FIP1L1: variants seen among roughly 807,000 people sequenced by gnomAD.
FIP1L1 encodes pre-mRNA 3'-end-processing factor FIP1.
Under a neutral mutation model 84.6 loss-of-function variants are expected in FIP1L1, and 21 were observed. That is an observed-to-expected ratio of 0.25 (90% CI 0.18 to 0.36). The LOEUF is 0.36. FIP1L1 is among the 10% of genes least tolerant of loss of function. FIP1L1 has a pLI of 1.00. For missense variants in FIP1L1, 526 were observed against 751.1 expected (o/e 0.70, Z 3.50); for synonymous variants, 263 against 242.3 (o/e 1.09, Z -0.80).
At chr4:53,455,952 G>A (rs1270763306) in intron 16 of FIP1L1, among the ~76,000 whole-genome samples, 1 of 152,062 alleles carries the variant, frequency 6.6e-6, no homozygotes, top group Admixed American at 6.6e-5. Context: ...GCGTGTGTGT[G>A]CATGAGTATA....
At chr4:53,443,988 A>T (rs2150258259) in intron 14 of FIP1L1, 60 bp from the exon 15 acceptor site, 2 of 1,203,882 alleles carry the variant, frequency 1.7e-6, no homozygotes, top group East Asian at 4.8e-5. Context: ...TTTGTACTAC[A>T]TTATTAAAAT....
intron 13 of FIP1L1, among the ~76,000 whole-genome samples, chr4:53,436,087 T>C (rs1769058927): frequency 6.6e-6 from 1 of 152,208 alleles, no homozygotes; most frequent in Admixed American, 6.5e-5. Flanking sequence ...GTAGTTTACA[T>C]ATTCTGCCAT....
At chr4:53,426,323 T>C (rs1474009454) in intron 12 of FIP1L1, among the ~76,000 whole-genome samples, 2 of 152,190 alleles carry the variant, frequency 1.3e-5, no homozygotes, top group Non-Finnish European at 2.9e-5. Flanking sequence ...ATGAAATTTA[T>C]GTTTCATAAA....
chr4:53,398,650 G>A (rs1396591081), intron 9 of FIP1L1, among the ~76,000 whole-genome samples: 1 of 152,136 alleles, frequency 6.6e-6, no homozygotes, highest in Non-Finnish European at 1.5e-5. Flanking sequence ...TAAGTGTAAG[G>A]AAACTTGAAT....
Position 53,377,736 on chromosome 4 carries a change from C to T in FIP1L1, c.-103C>T. ...GAGTCTCGAGCTTTCTTCGTTCGTT[C>T]GTCGGCGGGTTCGCGCCCTTCTCGC... On this transcript the variant is annotated 5_prime_UTR_variant, in exon 1 of 18. Transcript: ENST00000337488. The T allele has an allele frequency of 1.8e-6, 2 of 1,090,758 alleles. No homozygotes were observed. Among genetic ancestry groups the T allele is most frequent in the Non-Finnish European group, 2.5e-6 (2 of 790,116 alleles). The allele number at this position is 1,090,758 out of a possible 1,614,324, so 67.6% of individuals were successfully genotyped here. A position where few individuals can be genotyped will look rare whatever the true frequency, so the allele number is the denominator to read the frequency against.
At chr4:53,396,701 G>A (rs1029718288) in intron 9 of FIP1L1, among the ~76,000 whole-genome samples, 1 of 152,168 alleles carries the variant, frequency 6.6e-6, no homozygotes, top group African/African-American at 2.4e-5. Flanking sequence ...ACCACGCCCA[G>A]CCTACAATTA....
intron 3 of FIP1L1, among the ~76,000 whole-genome samples, chr4:53,381,759 T>TTTTTTC: frequency 1.4e-5 from 1 of 69,276 alleles, no homozygotes; most frequent in African/African-American, 3.8e-5. Flanking sequence ...CATTCTTTTT[T>TTTTTTC]TTTTTTTTTT....
intron 15 of FIP1L1, among the ~76,000 whole-genome samples, chr4:53,448,072 A>T (rs1774949255): frequency 6.6e-6 from 1 of 152,110 alleles, no homozygotes. Context: ...TATTTGGAAC[A>T]TGCCTTTCTC....
rs573776582 is a variant in FIP1L1 at position 53,413,386 on chromosome 4, A to C, written c.816-1229A>C. On this transcript the variant is annotated intron_variant, in intron 10 of 17. Transcript: ENST00000337488. The stretch of plus-strand genomic sequence containing the variant: ...CAGCACTCAGAGCTAGGAAAGAATT[A>C]GCATTTTCAAGATGAAATTTCCATG... 3.3e-4 allele frequency among the ~76,000 whole-genome samples: 51 copies of C among 152,252 alleles called. No homozygotes were observed. In the South Asian group the frequency reaches 0.01, roughly 31 times the overall value.
chr4:53,394,480 G>A (rs529354152), intron 9 of FIP1L1, among the ~76,000 whole-genome samples: 1 of 152,058 alleles, frequency 6.6e-6, no homozygotes, highest in Admixed American at 6.5e-5. Context: ...TTCAGATAAG[G>A]TATTCCAGTA....
intron 10 of FIP1L1, among the ~76,000 whole-genome samples, chr4:53,408,350 C>T (rs1344143084): frequency 2.0e-5 from 3 of 152,184 alleles, no homozygotes; most frequent in Non-Finnish European, 4.4e-5. Flanking sequence ...TGTAGAGTTT[C>T]TGCGGAGAGA....
At chr4:53,395,087 G>T (rs985238486) in intron 9 of FIP1L1, among the ~76,000 whole-genome samples, 1 of 151,998 alleles carries the variant, frequency 6.6e-6, no homozygotes, top group African/African-American at 2.4e-5. Flanking sequence ...AATGTCTTAT[G>T]GTCATTTCTT....
chr4:53,432,652 T>C (rs1437188198), intron 13 of FIP1L1, among the ~76,000 whole-genome samples: 1 of 152,190 alleles, frequency 6.6e-6, no homozygotes, highest in Non-Finnish European at 1.5e-5. Flanking sequence ...GTTAACTCAT[T>C]TGATTCTTGA....
chr4:53,409,699 C>T (rs969782484), intron 10 of FIP1L1, among the ~76,000 whole-genome samples: 3 of 152,190 alleles, frequency 2.0e-5, no homozygotes, highest in Non-Finnish European at 2.9e-5. Context: ...CAATGGCGGG[C>T]GCCCCTCCCC....
intron 3 of FIP1L1, among the ~76,000 whole-genome samples, chr4:53,380,467 TTAGA>T (rs1449027212): frequency 5.9e-5 from 9 of 152,184 alleles, no homozygotes. Context: ...CATTCTGGAA[TTAGA>T]TAGTTGTGAT....
intron 13 of FIP1L1, among the ~76,000 whole-genome samples, chr4:53,433,517 ATT>A (rs35956201): frequency 6.6e-5 from 10 of 150,814 alleles, no homozygotes; most frequent in African/African-American, 1.7e-4. Context: ...TTTGATGTTC[ATT>A]TTTTTTTTTG....
chr4:53,387,414 A>G (rs1741686144), intron 5 of FIP1L1, among the ~76,000 whole-genome samples: 3 of 152,234 alleles, frequency 2.0e-5, no homozygotes, highest in Admixed American at 2.0e-4. Context: ...GGTGGGTGCT[A>G]CTGCTCCCAC....
chr4:53,392,566 A>T (rs1480572703), intron 9 of FIP1L1, among the ~76,000 whole-genome samples: 2 of 152,248 alleles, frequency 1.3e-5, no homozygotes, highest in African/African-American at 2.4e-5. Context: ...GGCATTGAAT[A>T]TATTAAACTT....
intron 10 of FIP1L1, among the ~76,000 whole-genome samples, chr4:53,401,496 A>G (rs1388763282): frequency 1.3e-5 from 2 of 152,220 alleles, no homozygotes; most frequent in African/African-American, 2.4e-5. Context: ...GGTTGCAGCA[A>G]TTATCTAGGC....
Sources: gnomAD v4.1 joint callset for allele counts (sites outside exome capture counted in the v4.1 genomes callset) on GRCh38, gnomAD v4.1.1 for gene constraint, MANE v1.5 for transcripts, NCBI Gene and HGNC (gene_info 2026-07-23, HGNC 2026-07-21) for gene names.